NBAS: variants seen among roughly 807,000 people sequenced by gnomAD.
NBAS encodes the protein NAG/BC035112 fusion.
A neutral mutation model predicts 302.5 loss-of-function variants in NBAS; 219 were observed. The ratio of observed to expected loss-of-function variants is 0.72; its 90% CI spans 0.65 to 0.81. The LOEUF is 0.81. Ranked by LOEUF, NBAS falls within the 30% of genes least tolerant of loss-of-function variation. The pLI, the probability that NBAS is intolerant of heterozygous loss-of-function variation, is 0.00. For synonymous variants in NBAS, 1,118 were observed against 1,021.6 expected (o/e 1.09, Z -1.80); for missense variants, 2,932 against 2,841.6 (o/e 1.03, Z -0.72).
At chr2:15,033,422 CTTTA>C in the NBAS span, among the ~76,000 whole-genome samples, 1 of 115,444 alleles carries the variant, frequency 8.7e-6, no homozygotes, top group Non-Finnish European at 2.0e-5. Flanking sequence ...AAACTTTAGA[CTTTA>C]GAATTGATGC....
intron 47 of NBAS, among the ~76,000 whole-genome samples, chr2:15,229,417 G>A (rs1322011839): frequency 5.4e-5 from 8 of 147,994 alleles, no homozygotes; most frequent in African/African-American, 2.0e-4. Flanking sequence ...ATTATTGTGT[G>A]TCAATTATAC....
intron 30 of NBAS, among the ~76,000 whole-genome samples, chr2:15,378,163 C>A (rs1306464615): frequency 6.6e-6 from 1 of 152,050 alleles, no homozygotes; most frequent in Admixed American, 6.6e-5. Flanking sequence ...AAACTCAGGG[C>A]CTCAGAAAAA....
At chr2:15,018,880 A>G in the NBAS span, among the ~76,000 whole-genome samples, 3 of 152,164 alleles carry the variant, frequency 2.0e-5, no homozygotes, top group Middle Eastern at 3.2e-3. Flanking sequence ...CTTTGTTTAT[A>G]TCCAACTGAC....
chr2:15,408,614 C>T (rs1490982381), intron 25 of NBAS, among the ~76,000 whole-genome samples: 1 of 152,088 alleles, frequency 6.6e-6, no homozygotes, highest in Non-Finnish European at 1.5e-5. Flanking sequence ...GTCTTTTTTA[C>T]ATTCACATTT....
the NBAS span, among the ~76,000 whole-genome samples, chr2:14,979,327 A>G: frequency 1.3e-5 from 2 of 152,148 alleles, no homozygotes; most frequent in African/African-American, 4.8e-5. Flanking sequence ...GTGTCCTCTT[A>G]GGAGCTGACA....
At chr2:15,022,212 C>T in the NBAS span, among the ~76,000 whole-genome samples, 1 of 152,186 alleles carries the variant, frequency 6.6e-6, no homozygotes, top group Admixed American at 6.5e-5. Flanking sequence ...ACAGCTTCCC[C>T]ATTCAGGTGC....
intron 9 of NBAS, among the ~76,000 whole-genome samples, chr2:15,521,312 TAC>T (rs1393952733): frequency 6.6e-6 from 1 of 152,180 alleles, no homozygotes; most frequent in African/African-American, 2.4e-5. Flanking sequence ...CTGGTGAAAT[TAC>T]AGTCTCACTC....
the NBAS span, among the ~76,000 whole-genome samples, chr2:14,779,424 T>C: frequency 1.3e-5 from 2 of 151,656 alleles, no homozygotes; most frequent in Non-Finnish European, 2.9e-5. Context: ...AAGCCCAAGG[T>C]CAGCAGGCCC....
intron 42 of NBAS, among the ~76,000 whole-genome samples, chr2:15,278,969 T>C (rs148339207): frequency 2.0e-5 from 3 of 152,334 alleles, no homozygotes; most frequent in Non-Finnish European, 4.4e-5. Context: ...TCAGAAAATA[T>C]ACTTGATAAT....
At chr2:14,832,650 A>G in the NBAS span, among the ~76,000 whole-genome samples, 1 of 152,170 alleles carries the variant, frequency 6.6e-6, no homozygotes, top group Non-Finnish European at 1.5e-5. Flanking sequence ...GATAGCCACT[A>G]CTGAAATAGG....
the NBAS span, among the ~76,000 whole-genome samples, chr2:14,985,212 C>T: frequency 3.9e-5 from 6 of 151,974 alleles, no homozygotes; most frequent in African/African-American, 1.2e-4. Flanking sequence ...GAAATAGATC[C>T]GATTTTAAAA....
chr2:15,218,727 C>T, intron 48 of NBAS, 46 bp downstream of exon 48: 1 of 1,612,752 alleles, frequency 6.2e-7, no homozygotes, highest in Admixed American at 1.7e-5. Flanking sequence ...CGCGTCCGGC[C>T]TAATTATTGT....
At chr2:15,460,415 G>A (rs76808410) in intron 21 of NBAS, among the ~76,000 whole-genome samples, 2,025 of 152,252 alleles carry the variant, frequency 0.013, 33 homozygotes, top group East Asian at 0.058. Context: ...CTTACCTCAC[G>A]TAAAAGTTCA....
chr2:15,272,881 C>T (rs573710802), intron 44 of NBAS, among the ~76,000 whole-genome samples: 5 of 152,208 alleles, frequency 3.3e-5, no homozygotes, highest in African/African-American at 9.6e-5. Context: ...GGTTAAGAAA[C>T]TAAAGCGATG....
chr2:15,467,491 G>T, intron 18 of NBAS, 84 bp from the exon 19 acceptor site: 1 of 1,346,998 alleles, frequency 7.4e-7, no homozygotes, highest in Non-Finnish European at 1.0e-6. Flanking sequence ...TTAATATTCC[G>T]TTGAGCCCAA....
intron 49 of NBAS, among the ~76,000 whole-genome samples, chr2:15,190,011 G>C (rs540248104): frequency 6.6e-6 from 1 of 152,218 alleles, no homozygotes; most frequent in East Asian, 1.9e-4. Flanking sequence ...CATTGTTTTT[G>C]TTGACATCAT....
rs141650252 is a variant in NBAS at position 15,480,543 on chromosome 2, G to C, written c.1084-2254C>G. On this transcript the variant is annotated intron_variant, in intron 12 of 51. Coordinates refer to ENST00000281513, the MANE Select transcript of NBAS (RefSeq NM_015909.4). ...GGATGGACAGAGGATTTTGGGCATG[G>C]GTTTAAGAAAGATGAAGGAAATTCA... is the stretch of plus-strand genomic sequence containing the variant. Among the ~76,000 whole-genome samples the C allele has an allele frequency of 3.1e-3, 478 of 152,172 alleles. 2 individuals carry two copies. The highest frequency in any genetic ancestry group is 0.011 in the African/African-American group (453 of 41,536).
the NBAS span, among the ~76,000 whole-genome samples, chr2:15,154,413 G>A: frequency 2.0e-5 from 3 of 152,166 alleles, no homozygotes; most frequent in Non-Finnish European, 4.4e-5. Flanking sequence ...CATAGACATC[G>A]GTGGTTTGTG....
At chr2:14,932,333 T>A in the NBAS span, among the ~76,000 whole-genome samples, 382 of 152,146 alleles carry the variant, frequency 2.5e-3, 3 homozygotes, top group African/African-American at 8.7e-3. Context: ...AAGTCCAGAG[T>A]CCCCCTACTA....
Sources: allele counts gnomAD v4.1 joint callset (sites outside exome capture counted in the v4.1 genomes callset), GRCh38; gene constraint gnomAD v4.1.1; transcripts MANE v1.5; gene names NCBI Gene and HGNC (gene_info 2026-07-23, HGNC 2026-07-21).